SAP18: variants seen among roughly 807,000 people sequenced by gnomAD.
SAP18 encodes the protein Sin3A associated protein 18.
In SAP18, 4 loss-of-function variants were observed where a neutral mutation model predicts 18.6. That is an observed-to-expected ratio of 0.21 (90% confidence interval 0.11 to 0.49). The LOEUF is 0.49. Among genes scored for constraint, SAP18 ranks in the 20% least tolerant of loss-of-function variants. The pLI is 0.98. For missense variants in SAP18, 170 were observed against 226.4 expected (o/e 0.75, Z 1.60); for synonymous variants, 112 against 82.8 (o/e 1.35, Z -1.92).
chr13:21,148,540 A>G (rs1869734935), exon 4 of SAP18: 1 of 152,216 alleles, frequency 6.6e-6, no homozygotes, highest in African/African-American at 2.4e-5. Context: ...TATCTGGTAC[A>G]TACAAAAACA....
intron 2 of SAP18, among the ~76,000 whole-genome samples, chr13:21,146,033 TTCTA>T (rs1464652245): frequency 6.6e-6 from 1 of 152,180 alleles, no homozygotes; most frequent in Non-Finnish European, 1.5e-5. Context: ...AAACTTACAA[TTCTA>T]TCTAAGAAAG....
intron 2 of SAP18, among the ~76,000 whole-genome samples, chr13:21,145,049 C>T (rs1869599782): frequency 6.7e-6 from 1 of 149,754 alleles, no homozygotes; most frequent in Non-Finnish European, 1.5e-5. Context: ...AAATTGCACA[C>T]ATAAGTTCTT....
At chr13:21,141,167 T>C in intron 2 of SAP18, 172 bp downstream of exon 2, 1 of 607,108 alleles carries the variant, frequency 1.6e-6, no homozygotes, top group South Asian at 2.0e-5. Flanking sequence ...TGAAAGGAGA[T>C]TTGCCCGTAT....
Position 21,141,113 on chromosome 13 carries a change from C to T in SAP18, c.239+118C>T, listed in dbSNP as rs1414874685. ...TCAATTTCATTTCTCCACTTGGGGCCTTCGGACTCAGCTTTCAGGAAGTTA... is the reference window on the plus strand; with the variant it reads ...TCAATTTCATTTCTCCACTTGGGGCTTTCGGACTCAGCTTTCAGGAAGTTA... On this transcript the variant is annotated intron_variant, in intron 2 of 3. Transcript: ENST00000621421. 6 of 700,884 alleles carry T rather than the reference C, an allele frequency of 8.6e-6. No individual in the cohort carries two copies. In the Admixed American group the frequency reaches 1.2e-4, roughly 14 times the overall value. 43.4% of individuals were successfully genotyped at this position (700,884 alleles called of 1,614,324 possible).
chr13:21,145,065 CTTTTTT>C (rs1167195491), intron 2 of SAP18, among the ~76,000 whole-genome samples: 11 of 127,736 alleles, frequency 8.6e-5, no homozygotes, highest in African/African-American at 2.9e-4. Context: ...TTCTTGACCT[CTTTTTT>C]TTTTTTTTTT....
At chr13:21,140,426 C>T (rs957647651), upstream of SAP18, 1 of 1,082,872 alleles carries the variant, frequency 9.2e-7, no homozygotes, top group African/African-American at 1.6e-5. Flanking sequence ...TTCCCGAAGT[C>T]GCAACACGCA....
intron 2 of SAP18, among the ~76,000 whole-genome samples, chr13:21,143,724 C>T (rs1027073869): frequency 6.6e-6 from 1 of 152,030 alleles, no homozygotes; most frequent in East Asian, 1.9e-4. Context: ...GTTCCACAGA[C>T]CTTCCACTCT....
chr13:21,143,802 CAAAG>C (rs570592447), intron 2 of SAP18, among the ~76,000 whole-genome samples: 3 of 152,140 alleles, frequency 2.0e-5, no homozygotes, highest in African/African-American at 7.2e-5. Context: ...TGCAACCAAA[CAAAG>C]AAGGAACAAC....
At chr13:21,140,511 C>A (rs777899487), upstream of SAP18, 6 of 1,550,012 alleles carry the variant, frequency 3.9e-6, no homozygotes, top group Non-Finnish European at 1.7e-6. Context: ...CCCTGGCCGA[C>A]TATAAAGTGT....
At chr13:21,146,011 T>C (rs1215414962) in intron 2 of SAP18, among the ~76,000 whole-genome samples, 1 of 152,234 alleles carries the variant, frequency 6.6e-6, no homozygotes, top group East Asian at 1.9e-4. Flanking sequence ...TCTAGTACTC[T>C]TATCTGTTGT....
At chr13:21,146,190 T>C (rs893413882) in intron 2 of SAP18, among the ~76,000 whole-genome samples, 7 of 152,030 alleles carry the variant, frequency 4.6e-5, no homozygotes, top group Admixed American at 1.3e-4. Flanking sequence ...CTACTAAAAA[T>C]AGAAAAATTA....
intron 2 of SAP18, 41 bp downstream of exon 2, chr13:21,141,036 C>A: frequency 7.9e-7 from 1 of 1,265,200 alleles, no homozygotes; most frequent in Non-Finnish European, 1.2e-6. Flanking sequence ...GGGCCGGGAA[C>A]CTGGAACAAC....
At chr13:21,144,493 A>G (rs930609718) in intron 2 of SAP18, among the ~76,000 whole-genome samples, 1 of 151,872 alleles carries the variant, frequency 6.6e-6, no homozygotes, top group African/African-American at 2.4e-5. Context: ...TTAATTGTCA[A>G]ATCTGTAGGG....
At chr13:21,148,457 A>G (rs1869730802) in exon 4 of SAP18, 1 of 152,306 alleles carries the variant, frequency 6.6e-6, no homozygotes, top group Admixed American at 6.5e-5. Context: ...AGTTTGTTAC[A>G]GTAGCCAATT....
intron 2 of SAP18, among the ~76,000 whole-genome samples, chr13:21,146,277 G>A (rs1447991468): frequency 1.3e-5 from 2 of 152,192 alleles, no homozygotes; most frequent in Non-Finnish European, 2.9e-5. Flanking sequence ...AACCTGGGAG[G>A]CGGAGGTTGC....
chr13:21,145,014 T>A (rs1187258649), intron 2 of SAP18, among the ~76,000 whole-genome samples: 2 of 151,884 alleles, frequency 1.3e-5, no homozygotes, highest in Non-Finnish European at 2.9e-5. Context: ...CTGAAACTTT[T>A]GAGAGCTGAC....
intron 2 of SAP18, among the ~76,000 whole-genome samples, chr13:21,142,029 G>A (rs1869486656): frequency 1.3e-5 from 2 of 148,598 alleles, no homozygotes; most frequent in Admixed American, 6.7e-5. Context: ...GCTTATGCCT[G>A]TAATCCCAGC....
chr13:21,147,062 AAGT>A (rs1869675056), intron 3 of SAP18, 121 bp from the exon 4 acceptor site: 2 of 1,430,496 alleles, frequency 1.4e-6, no homozygotes. Flanking sequence ...TGGCTTAATA[AAGT>A]AGTTAAATTT....
chr13:21,142,588 A>AAGTG (rs1869508915), intron 2 of SAP18, among the ~76,000 whole-genome samples: 1 of 152,032 alleles, frequency 6.6e-6, no homozygotes, highest in South Asian at 2.1e-4. Context: ...TGGCTTCCCA[A>AAGTG]AGTGGTAGGT....
Sources: gnomAD v4.1 joint callset for allele counts (sites outside exome capture counted in the v4.1 genomes callset) on GRCh38, gnomAD v4.1.1 for gene constraint, MANE v1.5 for transcripts, NCBI Gene and HGNC (gene_info 2026-07-23, HGNC 2026-07-21) for gene names.